Variants in SH3RF3 observed in about 807,000 individuals in gnomAD.
The protein encoded by SH3RF3 is E3 ubiquitin-protein ligase SH3RF3.
SH3RF3 carries 29 observed loss-of-function variants against 66.3 expected under a neutral mutation model. The ratio of observed to expected loss-of-function variants is 0.44; its 90% CI spans 0.33 to 0.60. The LOEUF (loss-of-function observed/expected upper bound fraction) is 0.60, where lower values mean the gene tolerates loss of function less well. SH3RF3 is among the 20% of genes least tolerant of loss of function. The pLI, the probability that SH3RF3 is intolerant of heterozygous loss-of-function variation, is 0.04. For missense variants in SH3RF3, 1,194 were observed against 1,190.9 expected (o/e 1.00, Z -0.04); for synonymous variants, 583 against 532.0 (o/e 1.10, Z -1.32).
rs897279283 is a variant in SH3RF3 at position 109,352,757 on chromosome 2, G to C, written c.849+4808G>C. Reference sequence around the variant, plus strand: ...TGCAGCCACCTCTGTGCACAATGATGCCTCCCACGAAGGAGGCTCAACTCG... The same window carrying C: ...TGCAGCCACCTCTGTGCACAATGATCCCTCCCACGAAGGAGGCTCAACTCG... On this transcript the variant is annotated intron_variant, in intron 2 of 9. Coordinates refer to ENST00000309415, the MANE Select transcript of SH3RF3 (RefSeq NM_001099289.3). Among the ~76,000 whole-genome samples, 7 of 152,288 alleles carry C rather than the reference G, an allele frequency of 4.6e-5. No homozygotes were observed. The South Asian group carries it at 1.2e-3, about 27-fold the overall frequency.
intron 1 of SH3RF3, among the ~76,000 whole-genome samples, chr2:109,152,418 G>A (rs1677243430): frequency 6.6e-6 from 1 of 152,088 alleles, no homozygotes; most frequent in African/African-American, 2.4e-5. Flanking sequence ...ATAATTCTGG[G>A]CTCCGATCTC....
At chr2:109,458,649 G>T (rs1445812809) in intron 8 of SH3RF3, among the ~76,000 whole-genome samples, 1 of 146,158 alleles carries the variant, frequency 6.8e-6, no homozygotes, top group Non-Finnish European at 1.5e-5. Context: ...TGGCAAGCCT[G>T]AATTCTGTGG....
At chr2:109,335,534 A>T (rs893950706) in intron 1 of SH3RF3, among the ~76,000 whole-genome samples, 2 of 151,666 alleles carry the variant, frequency 1.3e-5, no homozygotes, top group Non-Finnish European at 2.9e-5. Context: ...ACGTTCTAAG[A>T]TTTCACCCTA....
intron 1 of SH3RF3, among the ~76,000 whole-genome samples, chr2:109,311,562 T>C (rs937751333): frequency 6.6e-6 from 1 of 152,158 alleles, no homozygotes; most frequent in African/African-American, 2.4e-5. Context: ...TGTCCCTGTT[T>C]GCAGACGACA....
At position 109,443,260 on chromosome 2, in the gene SH3RF3, T is replaced by TA. The variant is rs1189791541; in HGVS notation, c.1829-5909dup. 9.2e-5 allele frequency among the ~76,000 whole-genome samples: 14 copies of TA among 152,378 alleles called. No individual in the cohort carries two copies. The South Asian group carries it at 2.7e-3, about 29-fold the overall frequency. ...TTAAGTGGCTGACCTGAGGCTGCCC[T>TA]ATTAACAGGTGCCAGAGCTGGGATT... On this transcript the variant is annotated intron_variant, in intron 7 of 9. Transcript: ENST00000309415.
At chr2:109,243,427 G>A (rs959970031) in intron 1 of SH3RF3, among the ~76,000 whole-genome samples, 1 of 152,210 alleles carries the variant, frequency 6.6e-6, no homozygotes, top group Non-Finnish European at 1.5e-5. Flanking sequence ...CAAGTGTGTG[G>A]TGGCAAATGA....
chr2:109,459,109 C>T (rs1456235477), intron 8 of SH3RF3, among the ~76,000 whole-genome samples: 4 of 152,066 alleles, frequency 2.6e-5, no homozygotes, highest in Middle Eastern at 3.2e-3. Context: ...AGTGGTGCTT[C>T]GTCTTCTTCT....
rs987140404 is a variant in SH3RF3, at chr2:109,359,346, A to C, written c.849+11397A>C. ...CTTTGATTGAGATTGTGTTAAATCT[A>C]TACAACAAGTTGAAAAGAACTGACA... On this transcript the variant is annotated intron_variant, in intron 2 of 9. Coordinates refer to ENST00000309415, the MANE Select transcript of SH3RF3 (RefSeq NM_001099289.3). 3.9e-5 allele frequency among the ~76,000 whole-genome samples: 6 copies of C among 152,256 alleles called. No homozygotes were observed. In the South Asian group the frequency reaches 1.0e-3, roughly 26 times the overall value.
intron 1 of SH3RF3, among the ~76,000 whole-genome samples, chr2:109,205,497 G>T (rs1043312423): frequency 1.3e-5 from 2 of 152,120 alleles, no homozygotes; most frequent in Non-Finnish European, 2.9e-5. Flanking sequence ...TGATCCACCT[G>T]CATCCACCTC....
chr2:109,480,876 A>G (rs1678817729), intron 8 of SH3RF3, among the ~76,000 whole-genome samples: 1 of 152,008 alleles, frequency 6.6e-6, no homozygotes, highest in South Asian at 2.1e-4. Flanking sequence ...GCATCTGTGG[A>G]TGGTTTGATT....
In SH3RF3 at chr2:109,258,690, T is replaced by A. The variant is rs563033463; in HGVS notation, c.574-88984T>A. 9.2e-5 allele frequency among the ~76,000 whole-genome samples: 14 copies of A among 152,340 alleles called. No homozygotes were observed. In the South Asian group the frequency reaches 2.9e-3, roughly 32 times the overall value. ...GGAGCCTGACTGTGTGGCAGCCGTG[T>A]CTGAGTGATGACTGCCAGAAAGTTC... On this transcript the variant is annotated intron_variant, in intron 1 of 9. Transcript: ENST00000309415.
chr2:109,194,428 G>A (rs375753014), intron 1 of SH3RF3, among the ~76,000 whole-genome samples: 111 of 152,338 alleles, frequency 7.3e-4, no homozygotes, highest in African/African-American at 2.6e-3. Context: ...GTCTTCAGCT[G>A]CGCTCTCGGC....
chr2:109,197,394 A>G (rs1187059536), intron 1 of SH3RF3, among the ~76,000 whole-genome samples: 1 of 152,116 alleles, frequency 6.6e-6, no homozygotes, highest in Non-Finnish European at 1.5e-5. Context: ...GCCACTTGCA[A>G]GCTGTTTGTC....
At chr2:109,160,519 G>T (rs1478713664) in intron 1 of SH3RF3, among the ~76,000 whole-genome samples, 1 of 152,232 alleles carries the variant, frequency 6.6e-6, no homozygotes, top group African/African-American at 2.4e-5. Flanking sequence ...TGAGGACTCT[G>T]TGGTGGATTC....
At chr2:109,299,021 C>T (rs1681393088) in intron 1 of SH3RF3, among the ~76,000 whole-genome samples, 1 of 152,214 alleles carries the variant, frequency 6.6e-6, no homozygotes, top group Non-Finnish European at 1.5e-5. Flanking sequence ...CTGGTGATGT[C>T]TCCCCCCAGT....
chr2:109,291,280 CTTTT>C (rs11295870), intron 1 of SH3RF3, among the ~76,000 whole-genome samples: 4 of 137,252 alleles, frequency 2.9e-5, no homozygotes, highest in Admixed American at 1.4e-4. Context: ...AGAGTAATCT[CTTTT>C]TTTTTTTTTT....
At position 109,130,116 on chromosome 2, in the gene SH3RF3, G is replaced by A; in HGVS notation, c.573+3G>A. ...GCAGGACCGCGCCGGCGGCAAAGGT[G>A]AGTATCTGTCTCGGCGGAAGTGGCC... On this transcript the variant is annotated splice_donor_region_variant and intron_variant, in intron 1 of 9. Coordinates refer to ENST00000309415, the MANE Select transcript of SH3RF3 (RefSeq NM_001099289.3). 3 of 1,307,442 alleles carry A rather than the reference G, an allele frequency of 2.3e-6. No homozygotes were observed. The South Asian group carries it at 6.8e-5, about 29-fold the overall frequency. 81.0% of individuals were successfully genotyped at this position (1,307,442 alleles called of 1,614,324 possible).
chr2:109,229,795 T>A (rs1679454070), intron 1 of SH3RF3, among the ~76,000 whole-genome samples: 1 of 151,664 alleles, frequency 6.6e-6, no homozygotes, highest in South Asian at 2.1e-4. Flanking sequence ...TTTTGGTATG[T>A]GTTTAGATTT....
intron 1 of SH3RF3, among the ~76,000 whole-genome samples, chr2:109,149,585 C>A (rs892240778): frequency 6.6e-6 from 1 of 152,154 alleles, no homozygotes; most frequent in Admixed American, 6.5e-5. Flanking sequence ...CTGGGTCTTG[C>A]ATGCAAGGTC....
Sources: allele counts gnomAD v4.1 joint callset (sites outside exome capture counted in the v4.1 genomes callset), GRCh38; gene constraint gnomAD v4.1.1; transcripts MANE v1.5; gene names NCBI Gene and HGNC (gene_info 2026-07-23, HGNC 2026-07-21).